The following PCDHA13 variants were observed in gnomAD, a reference collection of about 807,000 sequenced individuals.
The protein encoded by PCDHA13 is protocadherin alpha-13.
A neutral mutation model predicts 64.8 loss-of-function variants in PCDHA13; 54 were observed. The ratio of observed to expected loss-of-function variants is 0.83; its 90% CI spans 0.67 to 1.04. The LOEUF (loss-of-function observed/expected upper bound fraction) is 1.04. Among genes scored for constraint, PCDHA13 ranks in the 50% least tolerant of loss-of-function variants. PCDHA13 has a pLI of 0.00. For synonymous variants in PCDHA13, 587 were observed against 564.4 expected (o/e 1.04, Z -0.57); for missense variants, 1,248 against 1,254.3 (o/e 0.99, Z 0.08).
At position 140,946,631 on chromosome 5, in the gene PCDHA13, T is replaced by C. The variant is rs75895301; in HGVS notation, c.2395-32318T>C. Among the ~76,000 whole-genome samples, 565 of 131,680 alleles carry C rather than the reference T, an allele frequency of 4.3e-3. 19 individuals are homozygous for C. Among genetic ancestry groups the C allele is most frequent in the Middle Eastern group, 0.019 (5 of 266 alleles). 86.4% of individuals were successfully genotyped at this position (131,680 alleles called of 152,430 possible). A position where few individuals can be genotyped will look rare whatever the true frequency, so the allele number is the denominator to read the frequency against. On this transcript the variant is annotated intron_variant, in intron 1 of 3. Coordinates refer to ENST00000289272, the MANE Select transcript of PCDHA13 (RefSeq NM_018904.3). ...TGTGAAATATATATATATATATATA[T>C]ACAATGGAATACTCATCAGCCATTA... is the stretch of plus-strand genomic sequence containing the variant.
rs550197512 is a variant in PCDHA13 at position 140,883,885 on chromosome 5, C to T, written c.1617C>T (p.Asp539=). 2.5e-6 allele frequency: 4 copies of T among 1,613,260 alleles called. No individual in the cohort carries two copies. The highest frequency in any genetic ancestry group is 4.5e-5 in the East Asian group (2 of 44,878). The change falls in exon 1 of 4, where the codon GAC becomes GAT. Residue 539 remains aspartate, a synonymous_variant. Coordinates refer to ENST00000289272, the MANE Select transcript of PCDHA13 (RefSeq NM_018904.3). ...ELLQFQVSAR[D]SGVPPLGSNV... ...TGCAGTTCCAGGTGAGCGCGCGCGACTCTGGCGTGCCGCCTCTGGGCAGCA... is the reference window on the plus strand; with the variant it reads ...TGCAGTTCCAGGTGAGCGCGCGCGATTCTGGCGTGCCGCCTCTGGGCAGCA...
chr5:140,992,235 G>A (rs1272038759), intron 3 of PCDHA13, among the ~76,000 whole-genome samples: 7 of 152,154 alleles, frequency 4.6e-5, no homozygotes, highest in African/African-American at 1.7e-4. Flanking sequence ...GGAAGAGTAA[G>A]GAAGGAAGTA....
chr5:140,920,456 T>C (rs2079640226), intron 1 of PCDHA13, among the ~76,000 whole-genome samples: 1 of 152,192 alleles, frequency 6.6e-6, no homozygotes, highest in African/African-American at 2.4e-5. Flanking sequence ...AATTGACAAA[T>C]TTGTTATATT....
At chr5:140,916,273 G>C (rs962847536) in intron 1 of PCDHA13, among the ~76,000 whole-genome samples, 7 of 152,176 alleles carry the variant, frequency 4.6e-5, no homozygotes, top group African/African-American at 1.7e-4. Flanking sequence ...CATGCTTGTT[G>C]CTCTACTCCA....
intron 1 of PCDHA13, among the ~76,000 whole-genome samples, chr5:140,977,323 G>A (rs542392962): frequency 1.3e-5 from 2 of 152,324 alleles, no homozygotes; most frequent in Non-Finnish European, 1.5e-5. Context: ...GCTCCTGATG[G>A]CGAGGGGAGA....
At chr5:140,982,360 AG>A in intron 2 of PCDHA13, 114 bp from the exon 3 acceptor site, 1 of 1,527,158 alleles carries the variant, frequency 6.5e-7, no homozygotes, top group Non-Finnish European at 8.8e-7. Context: ...AAGCATGAGC[AG>A]AATGTGTTAG....
At chr5:140,914,788 T>G (rs2076845575) in intron 1 of PCDHA13, among the ~76,000 whole-genome samples, 1 of 152,192 alleles carries the variant, frequency 6.6e-6, no homozygotes, top group South Asian at 2.1e-4. Context: ...TTATGACCCA[T>G]TATTTTAAAC....
chr5:140,952,734 C>T (rs143946641), intron 1 of PCDHA13, among the ~76,000 whole-genome samples: 1 of 152,272 alleles, frequency 6.6e-6, no homozygotes, highest in East Asian at 1.9e-4. Flanking sequence ...CTAGTCTTTT[C>T]TCACACTGCT....
At chr5:140,927,793 C>A in intron 1 of PCDHA13, 1 of 1,614,180 alleles carries the variant, frequency 6.2e-7, no homozygotes, top group Non-Finnish European at 8.5e-7. Context: ...TTCACTAGGT[C>A]CGCCTGAAAC....
chr5:141,006,769 A>G (rs575481848), intron 3 of PCDHA13, among the ~76,000 whole-genome samples: 1 of 152,208 alleles, frequency 6.6e-6, no homozygotes, highest in Non-Finnish European at 1.5e-5. Flanking sequence ...AGAATAGAAT[A>G]GAGAAAAATG....
chr5:140,924,132 T>C (rs1417924703), intron 1 of PCDHA13, among the ~76,000 whole-genome samples: 1 of 152,246 alleles, frequency 6.6e-6, no homozygotes, highest in East Asian at 1.9e-4. Flanking sequence ...TTAGCAGCAT[T>C]AATTTAAAAT....
At chr5:140,984,052 A>G (rs2097083396) in intron 3 of PCDHA13, among the ~76,000 whole-genome samples, 2 of 152,204 alleles carry the variant, frequency 1.3e-5, no homozygotes, top group African/African-American at 4.8e-5. Context: ...TCATTGACAA[A>G]TCTGTACCCT....
intron 1 of PCDHA13, chr5:140,929,361 C>T (rs115903226): frequency 3.5e-5 from 53 of 1,519,472 alleles, no homozygotes; most frequent in Middle Eastern, 1.8e-4. Context: ...TCCTTTGGCC[C>T]GGAGATGGCT....
chr5:140,960,293 T>C (rs990761387), intron 1 of PCDHA13, among the ~76,000 whole-genome samples: 5 of 152,174 alleles, frequency 3.3e-5, no homozygotes, highest in Non-Finnish European at 7.3e-5. Flanking sequence ...ACCCAGTTTC[T>C]TCATCAATAC....
intron 1 of PCDHA13, among the ~76,000 whole-genome samples, chr5:140,949,776 A>G (rs1554219139): frequency 6.6e-6 from 1 of 151,716 alleles, no homozygotes; most frequent in Non-Finnish European, 1.5e-5. Flanking sequence ...AATATTTGAT[A>G]TGTTTAGATT....
chr5:140,995,993 A>G (rs1017469411), intron 3 of PCDHA13, among the ~76,000 whole-genome samples: 16 of 152,226 alleles, frequency 1.1e-4, no homozygotes, highest in Non-Finnish European at 1.8e-4. Context: ...GCCACTCAAA[A>G]ATGTCGTCAG....
chr5:140,888,980 G>A (rs1429569959), intron 1 of PCDHA13, among the ~76,000 whole-genome samples: 2 of 152,022 alleles, frequency 1.3e-5, no homozygotes, highest in Non-Finnish European at 2.9e-5. Context: ...TTGAATTTAT[G>A]ATTTATGATT....
chr5:140,986,218 T>A (rs2153838096), intron 3 of PCDHA13, among the ~76,000 whole-genome samples: 1 of 152,304 alleles, frequency 6.6e-6, no homozygotes, highest in Non-Finnish European at 1.5e-5. Flanking sequence ...GGCCCCTTTC[T>A]CTAGCCTCCC....
intron 1 of PCDHA13, among the ~76,000 whole-genome samples, chr5:140,976,863 T>G (rs116630325): frequency 0.028 from 4,205 of 152,320 alleles, 87 homozygotes; most frequent in Non-Finnish European, 0.044. Flanking sequence ...GAGTTTACTG[T>G]CTGACAAAGA....
Sources: allele counts gnomAD v4.1 joint callset (sites outside exome capture counted in the v4.1 genomes callset), GRCh38; gene constraint gnomAD v4.1.1; transcripts MANE v1.5; gene names NCBI Gene and HGNC (gene_info 2026-07-23, HGNC 2026-07-21).